Variants in FAM227B observed in about 807,000 individuals in gnomAD.
FAM227B encodes family with sequence similarity 227 member B.
A neutral mutation model predicts 73.8 loss-of-function variants in FAM227B; 88 were observed. The observed-to-expected ratio is 1.19, with a 90% CI of 1.00 to 1.42. The LOEUF (loss-of-function observed/expected upper bound fraction) is 1.42, where lower values mean the gene tolerates loss of function less well. Ranked by LOEUF, FAM227B falls within the 40% of genes most tolerant of loss-of-function variation. The pLI, the probability that FAM227B is intolerant of heterozygous loss-of-function variation, is 0.00. For synonymous variants in FAM227B, 210 were observed against 190.5 expected (o/e 1.10, Z -0.84); for missense variants, 632 against 590.9 (o/e 1.07, Z -0.72).
intron 11 of FAM227B, among the ~76,000 whole-genome samples, chr15:49,437,536 T>C (rs2051219297): frequency 6.6e-6 from 1 of 151,614 alleles, no homozygotes; most frequent in Non-Finnish European, 1.5e-5. Flanking sequence ...TGGGGTGTGA[T>C]TCTGGGTAAA....
At chr15:49,485,529 A>G (rs2056334803) in intron 11 of FAM227B, 3 of 152,472 alleles carry the variant, frequency 2.0e-5, no homozygotes, top group Non-Finnish European at 4.4e-5. Context: ...TTTTAAAGGA[A>G]TAACAAAACT....
intron 11 of FAM227B, among the ~76,000 whole-genome samples, chr15:49,400,696 A>G (rs371289375): frequency 0.16 from 22,705 of 140,472 alleles, 1,793 homozygotes; most frequent in Middle Eastern, 0.21. Flanking sequence ...AAATAATGCC[A>G]CATATCTACA....
At chr15:49,525,711 T>TATATATACATACATAC (rs2060143210) in intron 10 of FAM227B, among the ~76,000 whole-genome samples, 3 of 63,170 alleles carry the variant, frequency 4.7e-5, no homozygotes, top group African/African-American at 1.6e-4. Context: ...TATATATATA[T>TATATATACATACATAC]ATATATATCA....
chr15:49,520,392 G>A (rs550574947), intron 10 of FAM227B, among the ~76,000 whole-genome samples: 3 of 152,118 alleles, frequency 2.0e-5, no homozygotes, highest in Non-Finnish European at 2.9e-5. Context: ...CTCTCTGCCT[G>A]TTATCCTGTT....
chr15:49,496,065 C>A (rs1395971322), intron 11 of FAM227B, among the ~76,000 whole-genome samples: 1 of 151,760 alleles, frequency 6.6e-6, no homozygotes, highest in African/African-American at 2.4e-5. Context: ...TAATAAAATC[C>A]AAGTAGCTCT....
chr15:49,372,745 T>C (rs989423658), intron 11 of FAM227B, among the ~76,000 whole-genome samples: 1 of 152,202 alleles, frequency 6.6e-6, no homozygotes, highest in Non-Finnish European at 1.5e-5. Flanking sequence ...AGGTTTGTTC[T>C]AGACTCTGGC....
intron 13 of FAM227B, among the ~76,000 whole-genome samples, chr15:49,356,057 A>C (rs1164663464): frequency 6.7e-6 from 1 of 149,792 alleles, no homozygotes; most frequent in South Asian, 2.1e-4. Context: ...TTTTCTCACC[A>C]ACAGGCCTGC....
chr15:49,328,744 G>T, intron 15 of FAM227B, 69 bp from the exon 16 acceptor site: 3 of 1,496,466 alleles, frequency 2.0e-6, no homozygotes, highest in Non-Finnish European at 2.7e-6. Flanking sequence ...ATTTGAATGT[G>T]AGATTTCTCC....
At chr15:49,434,216 T>C (rs761604253) in intron 11 of FAM227B, among the ~76,000 whole-genome samples, 7 of 151,732 alleles carry the variant, frequency 4.6e-5, no homozygotes, top group Non-Finnish European at 8.9e-5. Context: ...AGGTCACTTG[T>C]AGGTGTTACA....
rs2076267762 is a variant in FAM227B at position 49,587,926 on chromosome 15, G to A, written c.405+90C>T. ...GTAGACTAAAAGGACATTTACAAAA[G>A]TGTTATTAGTGCTCATCTGTGGAAA... is the stretch of plus-strand genomic sequence containing the variant. On this transcript the variant is annotated intron_variant, in intron 5 of 15. Transcript: ENST00000299338. 4 of 1,152,368 alleles carry A rather than the reference G, an allele frequency of 3.5e-6. No individual in the cohort carries two copies. In the South Asian group the frequency reaches 1.1e-4, roughly 31 times the overall value. 71.4% of individuals were successfully genotyped at this position (1,152,368 alleles called of 1,614,324 possible).
intron 3 of FAM227B, among the ~76,000 whole-genome samples, chr15:49,602,981 C>A (rs2153311720): frequency 6.6e-6 from 1 of 152,116 alleles, no homozygotes; most frequent in East Asian, 1.9e-4. Context: ...TTTCTGGGTT[C>A]TCTTATTTTG....
At chr15:49,536,600 G>C (rs763441072) in intron 10 of FAM227B, among the ~76,000 whole-genome samples, 1 of 151,736 alleles carries the variant, frequency 6.6e-6, no homozygotes, top group Non-Finnish European at 1.5e-5. Flanking sequence ...GATCCTGAGA[G>C]GGCAAAGCAA....
intron 11 of FAM227B, 77 bp downstream of exon 11, chr15:49,508,134 G>GA: frequency 6.8e-7 from 1 of 1,466,596 alleles, no homozygotes; most frequent in Non-Finnish European, 9.2e-7. Flanking sequence ...TAAATCATTA[G>GA]AAAATTCTGC....
intron 11 of FAM227B, among the ~76,000 whole-genome samples, chr15:49,501,943 T>C (rs959826153): frequency 3.3e-5 from 5 of 152,338 alleles, no homozygotes; most frequent in Admixed American, 2.6e-4. Context: ...AAGGTCCAGG[T>C]ACAGCTTGAG....
intron 9 of FAM227B, among the ~76,000 whole-genome samples, chr15:49,558,819 C>T (rs1196787345): frequency 2.0e-5 from 3 of 152,094 alleles, no homozygotes; most frequent in Admixed American, 6.5e-5. Context: ...CTACCCTGTT[C>T]CAACTCTACA....
In FAM227B at chr15:49,576,827, A is replaced by C. The variant is rs772326260; in HGVS notation, c.460T>G (p.Phe154Val). Residue 154 changes from phenylalanine to valine, a missense_variant, in exon 7 of 16, where the codon TTC becomes GTC. By Grantham distance (50) the Phe-to-Val change is conservative (BLOSUM62 -1). Transcript: ENST00000299338. ...KNIEGCSFTG[F>V]KANELTQLPR... ...AGCTGAGTAAGTTCATTTGCTTTGA[A>C]TCCTGTGAAGCTGCAACCCTAGAAA... 6 of 1,611,532 alleles carry C rather than the reference A, an allele frequency of 3.7e-6. No individual in the cohort carries two copies. The highest frequency in any genetic ancestry group is 1.7e-5 in the Admixed American group (1 of 59,814).
chr15:49,365,667 T>G (rs1202882650), intron 13 of FAM227B: 1 of 1,036,160 alleles, frequency 9.7e-7, no homozygotes, highest in African/African-American at 1.6e-5. Context: ...GTATCACACA[T>G]GACTTGAAGC....
At chr15:49,419,907 C>T (rs1381075251) in intron 11 of FAM227B, among the ~76,000 whole-genome samples, 1 of 152,130 alleles carries the variant, frequency 6.6e-6, no homozygotes, top group Non-Finnish European at 1.5e-5. Flanking sequence ...ATACTCATGG[C>T]ACTATGTATC....
rs886616959 is a variant in FAM227B at position 49,588,046 on chromosome 15, T to C, written c.375A>G (p.Leu125=). 6.9e-7 allele frequency: 1 copy of C among 1,442,790 alleles called. No homozygotes were observed. Among genetic ancestry groups the C allele is most frequent in the Non-Finnish European group, 9.3e-7 (1 of 1,076,498 alleles). 89.4% of individuals were successfully genotyped at this position (1,442,790 alleles called of 1,614,324 possible). A position where few individuals can be genotyped will look rare whatever the true frequency, so the allele number is the denominator to read the frequency against. The change falls in exon 5 of 16, where the codon CTA becomes CTG. Residue 125 remains leucine, a synonymous_variant. Transcript: ENST00000299338. ...TCTTTTTTTTCTTATGGTACTTCTT[T>C]AGAAATTCCCCATATCGTTCCAATT... ...YRKLERYGEF[L]KKYHKKKKIM...
Sources: gnomAD v4.1 joint callset for allele counts (sites outside exome capture counted in the v4.1 genomes callset) on GRCh38, gnomAD v4.1.1 for gene constraint, MANE v1.5 for transcripts, NCBI Gene and HGNC (gene_info 2026-07-23, HGNC 2026-07-21) for gene names.